BRD7: variants seen among roughly 807,000 people sequenced by gnomAD.
BRD7 encodes bromodomain containing 7, also known as bromodomain-containing protein 7.
In BRD7, 15 loss-of-function variants were observed where a neutral mutation model predicts 82.1. That is an observed-to-expected ratio of 0.18 (90% CI 0.12 to 0.28). The LOEUF is 0.28. Among genes scored for constraint, BRD7 ranks in the 10% least tolerant of loss-of-function variants. BRD7 has a pLI of 1.00. For missense variants in BRD7, 638 were observed against 779.9 expected (o/e 0.82, Z 2.17); for synonymous variants, 232 against 266.9 (o/e 0.87, Z 1.27).
rs1434260495 is a variant in BRD7 at position 50,316,603 on chromosome 16, G to C, written c.*2608C>G. On this transcript the variant is annotated 3_prime_UTR_variant, in exon 17 of 17. Transcript: ENST00000394688. ...GCATGGGTGCATGCAGAGGCTCCTG[G>C]ATCTGGGAAGCCCGCCCCCTCACAA... is the stretch of plus-strand genomic sequence containing the variant. 6.6e-6 allele frequency: 1 copy of C among 152,304 alleles called. No homozygotes were observed. Among genetic ancestry groups the C allele is most frequent in the African/African-American group, 2.4e-5 (1 of 41,432 alleles). The allele number at this position is 152,304 out of a possible 1,614,324, so 9.4% of individuals were successfully genotyped here. A position where few individuals can be genotyped will look rare whatever the true frequency, so the allele number is the denominator to read the frequency against.
chr16:50,368,532 AC>A, intron 1 of BRD7, 193 bp downstream of exon 1: 1 of 700,882 alleles, frequency 1.4e-6, no homozygotes, highest in Non-Finnish European at 2.2e-6. Flanking sequence ...GACCCACCGG[AC>A]CAGGGGGACC....
intron 5 of BRD7, among the ~76,000 whole-genome samples, chr16:50,342,262 C>A (rs1338436517): frequency 6.6e-6 from 1 of 151,994 alleles, no homozygotes; most frequent in African/African-American, 2.4e-5. Context: ...CGGTTTTAGC[C>A]TAATTTTCAC....
At chr16:50,319,325 G>T in intron 16 of BRD7, 59 bp from the exon 17 acceptor site, 1 of 1,529,446 alleles carries the variant, frequency 6.5e-7, no homozygotes, top group Non-Finnish European at 9.0e-7. Context: ...TTAAAAAGGG[G>T]ACATGAAAGT....
chr16:50,365,824 C>T (rs912406685), intron 2 of BRD7, among the ~76,000 whole-genome samples: 1 of 151,596 alleles, frequency 6.6e-6, no homozygotes, highest in African/African-American at 2.4e-5. Context: ...ATTAGAGGAT[C>T]AGTTCAGGAG....
At chr16:50,360,392 T>C (rs916376422) in intron 2 of BRD7, among the ~76,000 whole-genome samples, 3 of 152,180 alleles carry the variant, frequency 2.0e-5, no homozygotes, top group African/African-American at 4.8e-5. Flanking sequence ...TGCAAAACAA[T>C]GTAGAGTTCC....
chr16:50,342,402 A>T (rs1396079845), intron 5 of BRD7, among the ~76,000 whole-genome samples: 1 of 151,910 alleles, frequency 6.6e-6, no homozygotes, highest in Non-Finnish European at 1.5e-5. Context: ...ATTCTTCATA[A>T]ATCTCTGCTT....
At chr16:50,349,405 T>TA in intron 5 of BRD7, 1 of 351,634 alleles carries the variant, frequency 2.8e-6, no homozygotes. Flanking sequence ...AAAAAAAAAT[T>TA]AAAAAAATGT....
chr16:50,339,083 T>C (rs1348600467), intron 6 of BRD7, among the ~76,000 whole-genome samples: 1 of 152,384 alleles, frequency 6.6e-6, no homozygotes, highest in East Asian at 1.9e-4. Flanking sequence ...TAATATCTCA[T>C]GTTTACGCTC....
chr16:50,321,566 C>CAAAAAAAAAAAAA (rs60824563), intron 13 of BRD7, among the ~76,000 whole-genome samples: 1 of 67,460 alleles, frequency 1.5e-5, no homozygotes, highest in African/African-American at 5.9e-5. Flanking sequence ...GACTCCATCT[C>CAAAAAAAAAAAAA]AAAAAAAAAA....
At chr16:50,338,106 A>G (rs1013403012) in intron 6 of BRD7, among the ~76,000 whole-genome samples, 2 of 152,214 alleles carry the variant, frequency 1.3e-5, no homozygotes, top group Non-Finnish European at 2.9e-5. Flanking sequence ...TGGAGTGACT[A>G]AAGGCTGCAT....
intron 8 of BRD7, 86 bp from the exon 9 acceptor site, chr16:50,328,830 A>T: frequency 8.0e-7 from 1 of 1,247,550 alleles, no homozygotes; most frequent in Non-Finnish European, 1.1e-6. Flanking sequence ...TTGATACCAG[A>T]GTGTTGTGGA....
chr16:50,365,382 A>T (rs763600224), intron 2 of BRD7, among the ~76,000 whole-genome samples: 13 of 152,190 alleles, frequency 8.5e-5, no homozygotes, highest in Admixed American at 3.3e-4. Context: ...CCTGTTAGTC[A>T]CTCTACAATA....
At chr16:50,355,033 T>C in intron 2 of BRD7, 111 bp from the exon 3 acceptor site, 1 of 1,326,552 alleles carries the variant, frequency 7.5e-7, no homozygotes, top group Non-Finnish European at 1.0e-6. Context: ...ATATTCTTAA[T>C]AACAAGCTCA....
At chr16:50,357,994 TCAAAA>T (rs1388724466) in intron 2 of BRD7, among the ~76,000 whole-genome samples, 1 of 151,086 alleles carries the variant, frequency 6.6e-6, no homozygotes, top group Non-Finnish European at 1.5e-5. Flanking sequence ...ACAAAACAAA[TCAAAA>T]CAAAACAAAA....
chr16:50,353,076 T>C (rs1225112172), intron 4 of BRD7, among the ~76,000 whole-genome samples: 1 of 151,856 alleles, frequency 6.6e-6, no homozygotes, highest in East Asian at 1.9e-4. Flanking sequence ...AAGTTCTTTT[T>C]TTTTTTTTTT....
At position 50,320,354 on chromosome 16, in the gene BRD7, G is replaced by A. The variant is rs975754490; in HGVS notation, c.1650C>T (p.Thr550=). The change falls in exon 15 of 17, where the codon ACC becomes ACT. Residue 550 remains threonine, a synonymous_variant. Coordinates refer to ENST00000394688, the MANE Select transcript of BRD7 (RefSeq NM_013263.5). ...EIFQKKLDET[T]RLLRELQEAQ... is the part of the protein sequence containing the mutation. ...CTTCCTGGAGTTCCCTGAGCAATCT[G>A]GTGGTCTCATCAAGTTTCTTCTGGA... 8.1e-6 allele frequency: 13 copies of A among 1,613,960 alleles called. No homozygotes were observed. In the Admixed American group the frequency reaches 8.3e-5, roughly 10 times the overall value.
chr16:50,331,943 A>G (rs1372131931), intron 8 of BRD7, among the ~76,000 whole-genome samples: 22 of 152,228 alleles, frequency 1.4e-4, no homozygotes, highest in Non-Finnish European at 3.1e-4. Flanking sequence ...CATGTGCAGA[A>G]GAATGAAACT....
At chr16:50,368,498 C>A in intron 1 of BRD7, 200 bp from the exon 2 acceptor site, 1 of 749,740 alleles carries the variant, frequency 1.3e-6, no homozygotes, top group South Asian at 1.9e-5. Context: ...GCCTCCCGGG[C>A]CCGCCTCACG....
chr16:50,330,140 T>C (rs2037498928), intron 8 of BRD7, among the ~76,000 whole-genome samples: 1 of 152,222 alleles, frequency 6.6e-6, no homozygotes, highest in South Asian at 2.1e-4. Context: ...AAAACTCTGC[T>C]CTTTTCTGTA....
Sources: gnomAD v4.1 joint callset for allele counts (sites outside exome capture counted in the v4.1 genomes callset) on GRCh38, gnomAD v4.1.1 for gene constraint, MANE v1.5 for transcripts, NCBI Gene and HGNC (gene_info 2026-07-23, HGNC 2026-07-21) for gene names.